Variants in KAZN observed in about 807,000 individuals in gnomAD.
The protein encoded by KAZN is kazrin.
Under a neutral mutation model 87.4 loss-of-function variants are expected in KAZN, and 40 were observed. The observed-to-expected ratio is 0.46, with a 90% CI of 0.36 to 0.60. The LOEUF (loss-of-function observed/expected upper bound fraction) is 0.60. Ranked by LOEUF, KAZN falls within the 20% of genes least tolerant of loss-of-function variation. KAZN has a pLI of 0.00. For missense variants in KAZN, 898 were observed against 1,073.9 expected (o/e 0.84, Z 2.29); for synonymous variants, 466 against 458.3 (o/e 1.02, Z -0.22).
intron 2 of KAZN, among the ~76,000 whole-genome samples, chr1:14,976,431 C>T (rs1665628503): frequency 6.6e-6 from 1 of 152,232 alleles, no homozygotes; most frequent in South Asian, 2.1e-4. Context: ...CTTGGCAGCC[C>T]CTGAATTCCG....
intron 1 of KAZN, among the ~76,000 whole-genome samples, chr1:14,084,287 G>A (rs1250944210): frequency 6.6e-6 from 1 of 152,140 alleles, no homozygotes; most frequent in Non-Finnish European, 1.5e-5. Flanking sequence ...TTGGAGGGAG[G>A]GAACTCTGGA....
chr1:14,453,336 T>C (rs1388510987), intron 2 of KAZN, among the ~76,000 whole-genome samples: 1 of 152,200 alleles, frequency 6.6e-6, no homozygotes, highest in South Asian at 2.1e-4. Context: ...GTCTCTATTA[T>C]AAGAGATTTT....
intron 1 of KAZN, among the ~76,000 whole-genome samples, chr1:14,903,336 C>T (rs1451387490): frequency 9.2e-5 from 14 of 152,178 alleles, no homozygotes; most frequent in Admixed American, 9.2e-4. Flanking sequence ...GAGCAGTGTC[C>T]CTGGGGCCGG....
At chr1:14,742,383 C>T (rs1290854867) in intron 1 of KAZN, among the ~76,000 whole-genome samples, 2 of 152,202 alleles carry the variant, frequency 1.3e-5, no homozygotes, top group Non-Finnish European at 2.9e-5. Flanking sequence ...AAAATAGAAG[C>T]TTATTCATTC....
At chr1:14,089,300 G>C (rs565014732) in intron 1 of KAZN, among the ~76,000 whole-genome samples, 1 of 152,046 alleles carries the variant, frequency 6.6e-6, no homozygotes, top group South Asian at 2.1e-4. Context: ...TGTAAGTACT[G>C]ATATGGTTGT....
At chr1:14,009,624 C>T (rs1025357353) in intron 1 of KAZN, among the ~76,000 whole-genome samples, 2 of 152,196 alleles carry the variant, frequency 1.3e-5, no homozygotes, top group Non-Finnish European at 1.5e-5. Flanking sequence ...GTTACTTGTT[C>T]AAGCTCACAT....
chr1:14,111,946 G>A lies in KAZN; in HGVS notation c.92-68489G>A, dbSNP rs140023750. Among the ~76,000 whole-genome samples, 321 of 151,964 alleles carry A rather than the reference G, an allele frequency of 2.1e-3. 1 individual carries two copies. Among genetic ancestry groups the A allele is most frequent in the African/African-American group, 7.1e-3 (293 of 41,418 alleles). The stretch of plus-strand genomic sequence containing the variant: ...GTAGAGACGGGCTTTCACCATATTG[G>A]TCAGGCTGGTCTTGAACTCCTGACC... On this transcript the variant is annotated intron_variant, in intron 1 of 16. Transcript: ENST00000636203.
At chr1:14,938,502 A>C (rs1306151847) in intron 1 of KAZN, among the ~76,000 whole-genome samples, 1 of 149,570 alleles carries the variant, frequency 6.7e-6, no homozygotes, top group Non-Finnish European at 1.5e-5. Flanking sequence ...AGATCGCACC[A>C]CTGCACTCCA....
At chr1:14,668,826 G>T (rs1306033058) in intron 1 of KAZN, among the ~76,000 whole-genome samples, 1 of 152,166 alleles carries the variant, frequency 6.6e-6, no homozygotes, top group Non-Finnish European at 1.5e-5. Flanking sequence ...CATGCTAATG[G>T]CATGAAGCCG....
chr1:14,671,538 G>A (rs1041405021), intron 1 of KAZN, among the ~76,000 whole-genome samples: 5 of 152,118 alleles, frequency 3.3e-5, no homozygotes, highest in Non-Finnish European at 7.3e-5. Flanking sequence ...CCCTTGATCT[G>A]TTCTTCGTCA....
chr1:14,518,419 C>T (rs531522401), intron 2 of KAZN, among the ~76,000 whole-genome samples: 34 of 152,104 alleles, frequency 2.2e-4, no homozygotes, highest in East Asian at 1.9e-3. Context: ...TTAGGTTATC[C>T]GCCCGCCTCA....
At chr1:14,322,800 G>A (rs1451076836) in intron 2 of KAZN, among the ~76,000 whole-genome samples, 1 of 152,154 alleles carries the variant, frequency 6.6e-6, no homozygotes, top group Non-Finnish European at 1.5e-5. Flanking sequence ...GGTGGGGGAG[G>A]AAGCATAGCA....
At chr1:14,675,254 C>G (rs1572195001) in intron 1 of KAZN, among the ~76,000 whole-genome samples, 1 of 152,160 alleles carries the variant, frequency 6.6e-6, no homozygotes, top group African/African-American at 2.4e-5. Flanking sequence ...TGACGTTGAA[C>G]TTGAAGTAGG....
At chr1:14,296,973 T>G (rs1654170836) in intron 2 of KAZN, among the ~76,000 whole-genome samples, 1 of 152,118 alleles carries the variant, frequency 6.6e-6, no homozygotes, top group African/African-American at 2.4e-5. Context: ...CACAGTTCTC[T>G]GTGTATATTT....
chr1:14,740,707 G>A (rs1482918595), intron 1 of KAZN, among the ~76,000 whole-genome samples: 2 of 152,112 alleles, frequency 1.3e-5, no homozygotes, highest in African/African-American at 4.8e-5. Context: ...TGCACCTTGG[G>A]CCATTCCTGG....
intron 1 of KAZN, among the ~76,000 whole-genome samples, chr1:14,796,408 C>T (rs1023269466): frequency 2.0e-5 from 3 of 152,210 alleles, no homozygotes; most frequent in Non-Finnish European, 2.9e-5. Flanking sequence ...AACCACATCT[C>T]CACCACCCCG....
At chr1:14,603,710 G>A (rs556813237) in intron 1 of KAZN, among the ~76,000 whole-genome samples, 1 of 152,232 alleles carries the variant, frequency 6.6e-6, no homozygotes, top group African/African-American at 2.4e-5. Context: ...CCAGGGTAAG[G>A]CATGATAGGC....
intron 2 of KAZN, among the ~76,000 whole-genome samples, chr1:14,337,763 G>A (rs564680330): frequency 2.6e-5 from 4 of 152,094 alleles, no homozygotes; most frequent in African/African-American, 7.2e-5. Flanking sequence ...GCGTGGTGGC[G>A]CGCATCTGTA....
chr1:14,396,184 A>AAC (rs61085217), intron 2 of KAZN, among the ~76,000 whole-genome samples: 2 of 151,144 alleles, frequency 1.3e-5, no homozygotes, highest in Non-Finnish European at 3.0e-5. Context: ...AAAAAAAAAA[A>AAC]CTGCAACAAA....
Sources: allele counts gnomAD v4.1 joint callset (sites outside exome capture counted in the v4.1 genomes callset), GRCh38; gene constraint gnomAD v4.1.1; transcripts MANE v1.5; gene names NCBI Gene and HGNC (gene_info 2026-07-23, HGNC 2026-07-21).